PARD6G: variants seen among roughly 807,000 people sequenced by gnomAD.
PARD6G encodes the protein partitioning defective 6 homolog gamma.
In PARD6G, 7 loss-of-function variants were observed where a neutral mutation model predicts 10.7. The observed-to-expected ratio is 0.66, with a 90% CI of 0.37 to 1.23. The LOEUF (loss-of-function observed/expected upper bound fraction) is 1.23, where lower values mean the gene tolerates loss of function less well. Among genes scored for constraint, PARD6G ranks in the 50% most tolerant of loss-of-function variants. PARD6G has a pLI of 0.02. For synonymous variants in PARD6G, 287 were observed against 269.4 expected (o/e 1.07, Z -0.64); for missense variants, 548 against 571.8 (o/e 0.96, Z 0.42).
intron 1 of PARD6G, among the ~76,000 whole-genome samples, chr18:80,242,103 G>T (rs1470737157): frequency 6.6e-6 from 1 of 152,184 alleles, no homozygotes; most frequent in Non-Finnish European, 1.5e-5. Flanking sequence ...CCAGGCCACA[G>T]ACCTACAAGA....
chr18:80,171,447 T>C (rs2052776372), intron 2 of PARD6G: 1 of 152,278 alleles, frequency 6.6e-6, no homozygotes, highest in African/African-American at 2.4e-5. Flanking sequence ...GTTGCCGGCA[T>C]CACCGGCCCA....
chr18:80,223,299 C>A (rs559805294), intron 1 of PARD6G, among the ~76,000 whole-genome samples: 228 of 152,226 alleles, frequency 1.5e-3, no homozygotes, highest in Admixed American at 3.0e-3. Flanking sequence ...CTTTGTGCTT[C>A]AAGGAACATC....
chr18:80,161,507 T>A lies in PARD6G; in HGVS notation c.296-901A>T, dbSNP rs1318772656. ...TAAGGAGCTTAGTCTAAAGTAAAAA[T>A]TTTAAGTGAAGAGACTGGTGGCATT... On this transcript the variant is annotated intron_variant, in intron 2 of 2. Transcript: ENST00000353265. This position sits in a 1 kb window ranked among gnomAD's most constrained non-coding sequence, Gnocchi z 4.6. 6.6e-6 allele frequency among the ~76,000 whole-genome samples: 1 copy of A among 152,132 alleles called. No individual in the cohort carries two copies. Among genetic ancestry groups the A allele is most frequent in the African/African-American group, 2.4e-5 (1 of 41,412 alleles).
chr18:80,173,540 G>A (rs148810391), intron 2 of PARD6G, among the ~76,000 whole-genome samples: 194 of 152,088 alleles, frequency 1.3e-3, no homozygotes, highest in African/African-American at 4.4e-3. Context: ...GAGGAAAATC[G>A]CTTGAACCCA....
intron 1 of PARD6G, among the ~76,000 whole-genome samples, chr18:80,239,064 A>G (rs912501170): frequency 1.8e-4 from 28 of 151,988 alleles, no homozygotes; most frequent in Non-Finnish European, 8.8e-5. Flanking sequence ...GGGGCTGGGG[A>G]GTGGAGCCCT....
chr18:80,217,460 C>T (rs573380781), intron 1 of PARD6G, among the ~76,000 whole-genome samples: 12 of 152,236 alleles, frequency 7.9e-5, no homozygotes, highest in African/African-American at 2.9e-4. Context: ...AGGGGAGAAA[C>T]CGGGCAAACA....
intron 1 of PARD6G, among the ~76,000 whole-genome samples, chr18:80,229,062 C>T (rs559214467): frequency 6.6e-6 from 1 of 152,088 alleles, no homozygotes; most frequent in Non-Finnish European, 1.5e-5. Context: ...CCTCAGCCTC[C>T]CGAGTAGCTG....
chr18:80,205,025 C>T (rs1438019546), intron 1 of PARD6G, among the ~76,000 whole-genome samples: 3 of 152,134 alleles, frequency 2.0e-5, no homozygotes, highest in African/African-American at 4.8e-5. Context: ...CTCTAACCTA[C>T]GGTCTACATA....
intron 1 of PARD6G, among the ~76,000 whole-genome samples, chr18:80,209,063 G>A (rs1967082089): frequency 6.6e-6 from 1 of 151,756 alleles, no homozygotes; most frequent in African/African-American, 2.4e-5. Context: ...TTGCACCACT[G>A]CACTCCAGCT....
At chr18:80,195,346 G>T (rs1966940861) in intron 2 of PARD6G, among the ~76,000 whole-genome samples, 1 of 151,682 alleles carries the variant, frequency 6.6e-6, no homozygotes, top group Admixed American at 6.6e-5. Context: ...AATACAAAAT[G>T]CCAGGTGCTT....
Position 80,247,408 on chromosome 18 carries a change from C to T in PARD6G, c.-60G>A. The T allele has an allele frequency of 7.1e-7, 1 of 1,409,876 alleles. No homozygotes were observed. Among genetic ancestry groups the T allele is most frequent in the Non-Finnish European group, 9.5e-7 (1 of 1,049,342 alleles). 87.3% of individuals were successfully genotyped at this position (1,409,876 alleles called of 1,614,324 possible). Reference sequence around the variant, plus strand: ...GCTCCTCAGGGGCCGCAGAAAGACTCCCGGGGGCGGCGCCCCCAGGCCCCG... The same window carrying T: ...GCTCCTCAGGGGCCGCAGAAAGACTTCCGGGGGCGGCGCCCCCAGGCCCCG... On this transcript the variant is annotated 5_prime_UTR_variant, in exon 1 of 3. Transcript: ENST00000353265. This position sits in a 1 kb window ranked among gnomAD's most constrained non-coding sequence, Gnocchi z 4.2.
At chr18:80,240,114 G>T (rs1967473971) in intron 1 of PARD6G, among the ~76,000 whole-genome samples, 1 of 152,316 alleles carries the variant, frequency 6.6e-6, no homozygotes, top group South Asian at 2.1e-4. Context: ...ATTCACGAGG[G>T]ATCCACCTCC....
intron 2 of PARD6G, among the ~76,000 whole-genome samples, chr18:80,164,451 G>A (rs2052721855): frequency 6.6e-6 from 1 of 152,200 alleles, no homozygotes; most frequent in Non-Finnish European, 1.5e-5. Context: ...TCATGGTTGG[G>A]TGTTTCCACC....
rs1271366696 is a variant in PARD6G at position 80,246,201 on chromosome 18, GAAGA to G, written c.72+1072_72+1075del. ...CCCACAACTCTGAGAACCGGGGTGC[GAAGA>G]AAGAAAGGGCGAAAGGGCCGCTCAA... is the stretch of plus-strand genomic sequence containing the variant. On this transcript the variant is annotated intron_variant, in intron 1 of 2. Coordinates refer to ENST00000353265, the MANE Select transcript of PARD6G (RefSeq NM_032510.4). The surrounding 1 kb of genome is among the most constrained non-coding windows in gnomAD (Gnocchi z 6.7). Among the ~76,000 whole-genome samples, 1 of 152,188 alleles carries G rather than the reference GAAGA, an allele frequency of 6.6e-6. No individual in the cohort carries two copies. Among genetic ancestry groups the G allele is most frequent in the East Asian group, 1.9e-4 (1 of 5,174 alleles).
intron 1 of PARD6G, among the ~76,000 whole-genome samples, chr18:80,227,151 A>T (rs1025913870): frequency 6.6e-6 from 1 of 152,196 alleles, no homozygotes; most frequent in African/African-American, 2.4e-5. Context: ...ATTTGTAGAG[A>T]CAGTCTCACC....
chr18:80,237,749 T>C (rs1434307351), intron 1 of PARD6G, among the ~76,000 whole-genome samples: 5 of 152,102 alleles, frequency 3.3e-5, no homozygotes, highest in African/African-American at 9.7e-5. Flanking sequence ...TGAAAAAATG[T>C]TCATCATCAC....
chr18:80,230,331 G>C (rs899435641), intron 1 of PARD6G, among the ~76,000 whole-genome samples: 1 of 152,266 alleles, frequency 6.6e-6, no homozygotes. Flanking sequence ...TGTAGGAAAA[G>C]AGAGTGCAAC....
intron 2 of PARD6G, chr18:80,171,729 C>G (rs1321319457): frequency 6.6e-6 from 1 of 152,280 alleles, no homozygotes; most frequent in Non-Finnish European, 1.5e-5. Flanking sequence ...AATCTTACAA[C>G]ACGTGGCCTG....
intron 1 of PARD6G, among the ~76,000 whole-genome samples, chr18:80,209,108 AAAAC>A (rs999101770): frequency 7.2e-5 from 11 of 151,772 alleles, no homozygotes; most frequent in East Asian, 3.9e-4. Context: ...TCGAAAAAAG[AAAAC>A]AAACAAACAA....
Sources: allele counts gnomAD v4.1 joint callset (sites outside exome capture counted in the v4.1 genomes callset), GRCh38; gene constraint gnomAD v4.1.1; non-coding constraint Gnocchi (gnomAD v3.1); transcripts MANE v1.5; gene names NCBI Gene and HGNC (gene_info 2026-07-23, HGNC 2026-07-21).